The following EFCAB13 variants were observed in gnomAD, a reference collection of about 807,000 sequenced individuals.
EFCAB13 encodes EF-hand calcium binding domain 13.
A neutral mutation model predicts 110.2 loss-of-function variants in EFCAB13; 91 were observed. The ratio of observed to expected loss-of-function variants is 0.83; its 90% CI spans 0.70 to 0.98. The LOEUF (loss-of-function observed/expected upper bound fraction) is 0.98. EFCAB13 is among the 50% of genes least tolerant of loss of function. The pLI is 0.00. For synonymous variants in EFCAB13, 323 were observed against 369.9 expected (o/e 0.87, Z 1.45); for missense variants, 968 against 1,119.4 (o/e 0.86, Z 1.93).
At position 47,378,241 on chromosome 17, in the gene EFCAB13, G is replaced by T. The variant is rs370671197; in HGVS notation, c.1510+338G>T. Reference sequence around the variant, plus strand: ...CAAGACCACAATATCTAAGGGGTATGGATATATCTGCACAAATAGCCCAAG... The same window carrying T: ...CAAGACCACAATATCTAAGGGGTATTGATATATCTGCACAAATAGCCCAAG... On this transcript the variant is annotated intron_variant, in intron 13 of 24. Coordinates refer to ENST00000331493, the MANE Select transcript of EFCAB13 (RefSeq NM_152347.5). Among the ~76,000 whole-genome samples, 10 of 152,062 alleles carry T rather than the reference G, an allele frequency of 6.6e-5. No homozygotes were observed. In the East Asian group the frequency reaches 7.7e-4, roughly 12 times the overall value.
intron 4 of EFCAB13, among the ~76,000 whole-genome samples, chr17:47,334,214 T>C: frequency 6.6e-6 from 1 of 152,090 alleles, no homozygotes. Flanking sequence ...CCCATTATAA[T>C]GTTGAGCCTC....
chr17:47,326,071 G>C (rs991435426), intron 2 of EFCAB13, among the ~76,000 whole-genome samples, 155 bp from the exon 3 acceptor site: 1 of 151,178 alleles, frequency 6.6e-6, no homozygotes, highest in African/African-American at 2.4e-5. Context: ...AAGGTGAATG[G>C]ATAGATGACT....
At chr17:47,360,691 G>C (rs2065507805) in intron 9 of EFCAB13, among the ~76,000 whole-genome samples, 1 of 152,136 alleles carries the variant, frequency 6.6e-6, no homozygotes. Flanking sequence ...TAGACATGAA[G>C]TCCTCGCCCA....
chr17:47,349,481 CTA>C (rs1470548799), intron 9 of EFCAB13, among the ~76,000 whole-genome samples: 2 of 152,152 alleles, frequency 1.3e-5, no homozygotes, highest in Non-Finnish European at 2.9e-5. Flanking sequence ...TGCTGGAACA[CTA>C]TTTACTACCT....
intron 20 of EFCAB13, among the ~76,000 whole-genome samples, chr17:47,408,643 C>T (rs2065817997): frequency 6.6e-6 from 1 of 152,136 alleles, no homozygotes; most frequent in African/African-American, 2.4e-5. Flanking sequence ...CAGAACAAGA[C>T]TCCATCTCAA....
intron 4 of EFCAB13, 44 bp from the exon 5 acceptor site, chr17:47,335,152 T>C (rs1381778754): frequency 2.0e-6 from 3 of 1,506,366 alleles, no homozygotes; most frequent in Non-Finnish European, 2.7e-6. Flanking sequence ...TTAATATGTA[T>C]GTGCAAAGAG....
At chr17:47,392,611 G>A (rs1399342532) in intron 15 of EFCAB13, among the ~76,000 whole-genome samples, 1 of 152,050 alleles carries the variant, frequency 6.6e-6, no homozygotes, top group Non-Finnish European at 1.5e-5. Flanking sequence ...AACATACATG[G>A]CAACATATAT....
intron 17 of EFCAB13, among the ~76,000 whole-genome samples, chr17:47,398,905 A>T (rs925019667): frequency 6.6e-6 from 1 of 152,192 alleles, no homozygotes; most frequent in African/African-American, 2.4e-5. Flanking sequence ...ATGATAATAA[A>T]AACTCATATA....
In EFCAB13 at chr17:47,398,923, T is replaced by C. The variant is rs567629946; in HGVS notation, c.1945+2946T>C. Among the ~76,000 whole-genome samples, 7 of 152,268 alleles carry C rather than the reference T, an allele frequency of 4.6e-5. No homozygotes were observed. In the East Asian group the frequency reaches 1.3e-3, roughly 29 times the overall value. On this transcript the variant is annotated intron_variant, in intron 17 of 24. Transcript: ENST00000331493. Reference sequence around the variant, plus strand: ...ATAATAAAAACTCATATATTGTGTTTATTATTCTTTCTTTGGAGGGGACAA... The same window carrying C: ...ATAATAAAAACTCATATATTGTGTTCATTATTCTTTCTTTGGAGGGGACAA...
chr17:47,338,465 G>T (rs1236366672), intron 5 of EFCAB13, among the ~76,000 whole-genome samples: 1 of 151,836 alleles, frequency 6.6e-6, no homozygotes. Flanking sequence ...GCCCAGGCTG[G>T]TCTTGAACTC....
At chr17:47,389,508 G>A (rs78415837) in intron 14 of EFCAB13, among the ~76,000 whole-genome samples, 3,414 of 151,602 alleles carry the variant, frequency 0.023, 104 homozygotes, top group East Asian at 0.17. Context: ...GTTCTTATCA[G>A]CCACCTCATG....
chr17:47,439,180 T>G (rs1056268047), intron 24 of EFCAB13, among the ~76,000 whole-genome samples: 11 of 127,606 alleles, frequency 8.6e-5, no homozygotes, highest in Admixed American at 1.7e-4. Context: ...TGTTTTTTTT[T>G]TTTTTTTTTT....
At position 47,396,132 on chromosome 17, in the gene EFCAB13, G is replaced by T. The variant is rs1195712984; in HGVS notation, c.1945+155G>T. ...ATTTAGGAAATATTGTATAAAGAAA[G>T]TTCAGATTGTTTGGCTATTCAATAT... On this transcript the variant is annotated intron_variant, in intron 17 of 24. Coordinates refer to ENST00000331493, the MANE Select transcript of EFCAB13 (RefSeq NM_152347.5). 1.2e-5 allele frequency: 6 copies of T among 516,748 alleles called. No homozygotes were observed. In the East Asian group the frequency reaches 1.9e-4, roughly 17 times the overall value. The allele number at this position is 516,748 out of a possible 1,614,324, so 32.0% of individuals were successfully genotyped here. A position where few individuals can be genotyped will look rare whatever the true frequency, so the allele number is the denominator to read the frequency against.
chr17:47,364,341 A>G (rs1402290022), intron 10 of EFCAB13, among the ~76,000 whole-genome samples: 1 of 150,930 alleles, frequency 6.6e-6, no homozygotes, highest in Non-Finnish European at 1.5e-5. Flanking sequence ...TCTTTTTTTA[A>G]CTCCACTCTG....
intron 5 of EFCAB13, among the ~76,000 whole-genome samples, chr17:47,338,547 G>A (rs2065364799): frequency 6.6e-6 from 1 of 150,824 alleles, no homozygotes; most frequent in Admixed American, 6.6e-5. Flanking sequence ...ACTGCAGCTG[G>A]TTTACTACTA....
At chr17:47,397,263 C>T (rs2065745216) in intron 17 of EFCAB13, among the ~76,000 whole-genome samples, 1 of 152,236 alleles carries the variant, frequency 6.6e-6, no homozygotes, top group Non-Finnish European at 1.5e-5. Context: ...ATCCGCCAGC[C>T]TCGGCCTCCC....
chr17:47,420,570 T>C (rs1904630603), intron 23 of EFCAB13, among the ~76,000 whole-genome samples: 2 of 148,646 alleles, frequency 1.3e-5, no homozygotes, highest in South Asian at 2.1e-4. Flanking sequence ...GCCCATCGTC[T>C]GAGATGTGGG....
At chr17:47,351,296 TGTGTGTGTGC>T (rs1297957168) in intron 9 of EFCAB13, among the ~76,000 whole-genome samples, 137 of 140,410 alleles carry the variant, frequency 9.8e-4, no homozygotes, top group Non-Finnish European at 1.8e-3. Flanking sequence ...TGTGTGTGTG[TGTGTGTGTGC>T]GCGCGCGCGC....
At chr17:47,407,197 A>G (rs989828572) in intron 20 of EFCAB13, among the ~76,000 whole-genome samples, 1 of 152,228 alleles carries the variant, frequency 6.6e-6, no homozygotes, top group African/African-American at 2.4e-5. Context: ...ATAACTAGGG[A>G]AACTTTAGCA....
Sources: gnomAD v4.1 joint callset for allele counts (sites outside exome capture counted in the v4.1 genomes callset) on GRCh38, gnomAD v4.1.1 for gene constraint, MANE v1.5 for transcripts, NCBI Gene and HGNC (gene_info 2026-07-23, HGNC 2026-07-21) for gene names.